The following NEIL3 variants were observed in gnomAD, a reference collection of about 807,000 sequenced individuals.
The protein encoded by NEIL3 is nei like DNA glycosylase 3, also known as endonuclease 8-like 3.
In NEIL3, 48 loss-of-function variants were observed where a neutral mutation model predicts 57.5. That is an observed-to-expected ratio of 0.83 (90% CI 0.66 to 1.06). NEIL3 has a LOEUF of 1.06. Ranked by LOEUF, NEIL3 falls within the 50% of genes least tolerant of loss-of-function variation. The pLI, the probability that NEIL3 is intolerant of heterozygous loss-of-function variation, is 0.00. For missense variants in NEIL3, 717 were observed against 739.1 expected (o/e 0.97, Z 0.35); for synonymous variants, 261 against 253.2 (o/e 1.03, Z -0.29).
At chr4:177,367,771 T>C (rs1486346611), downstream of NEIL3, among the ~76,000 whole-genome samples, 1 of 152,076 alleles carries the variant, frequency 6.6e-6, no homozygotes, top group Non-Finnish European at 1.5e-5. Flanking sequence ...AAACTGAGAG[T>C]CAGATAGACT....
Position 177,353,306 on chromosome 4 carries a change from A to G in NEIL3, c.1040-2A>G, listed in dbSNP as rs199897557. On this transcript the variant is annotated splice_acceptor_variant, in intron 7 of 9. Transcript: ENST00000264596. LOFTEE classifies it high-confidence loss of function. ...TGCAGAATTACTTCTCTCTCCTTCC[A>G]GATTCAGTGCTCAAGAGTGAAGAAA... The G allele has an allele frequency of 1.1e-5, 18 of 1,603,906 alleles. No individual in the cohort carries two copies. The African/African-American group carries it at 1.6e-4, about 14-fold the overall frequency.
chr4:177,331,013 G>A lies in NEIL3; in HGVS notation c.279-4675G>A, dbSNP rs148345438. Among the ~76,000 whole-genome samples the A allele has an allele frequency of 1.1e-4, 16 of 152,074 alleles. No homozygotes were observed. The East Asian group carries it at 2.9e-3, about 28-fold the overall frequency. On this transcript the variant is annotated intron_variant, in intron 2 of 9. Transcript: ENST00000264596. ...TCAAGTTGTTATTTGAATAGAAATA[G>A]GACACTATATATTACCTAACAAATT...
intron 4 of NEIL3, among the ~76,000 whole-genome samples, chr4:177,338,289 A>G (rs546949063): frequency 6.6e-5 from 10 of 152,254 alleles, no homozygotes; most frequent in South Asian, 2.1e-4. Context: ...TTCTTTGTAC[A>G]TGTATGTGTC....
At position 177,329,334 on chromosome 4, in the gene NEIL3, C is replaced by T. The variant is rs150763334; in HGVS notation, c.279-6354C>T. On this transcript the variant is annotated intron_variant, in intron 2 of 9. Transcript: ENST00000264596. ...ATTAATTGAATAAAAACACAAGACC[C>T]AACTATAATGTGCCTATAAGAAAAC... Among the ~76,000 whole-genome samples the T allele has an allele frequency of 4.2e-3, 645 of 152,010 alleles. 8 individuals carry two copies. Among genetic ancestry groups the T allele is most frequent in the African/African-American group, 0.014 (563 of 41,504 alleles).
intron 7 of NEIL3, 106 bp from the exon 8 acceptor site, chr4:177,353,202 C>T: frequency 2.2e-6 from 2 of 924,454 alleles, no homozygotes; most frequent in Admixed American, 2.5e-5. Context: ...TATTAGTTCA[C>T]TGTAATAAAG....
At chr4:177,327,177 G>A (rs1734798120) in intron 2 of NEIL3, among the ~76,000 whole-genome samples, 1 of 152,080 alleles carries the variant, frequency 6.6e-6, no homozygotes. Flanking sequence ...CACCATGATT[G>A]TAAGTTTCCT....
At chr4:177,315,574 CA>C (rs1734558929) in intron 1 of NEIL3, among the ~76,000 whole-genome samples, 1 of 152,108 alleles carries the variant, frequency 6.6e-6, no homozygotes, top group African/African-American at 2.4e-5. Flanking sequence ...ATTTGGGCAG[CA>C]AAAGCTTGTA....
intron 8 of NEIL3, among the ~76,000 whole-genome samples, chr4:177,358,259 C>T (rs1216724327): frequency 1.2e-4 from 19 of 152,118 alleles, no homozygotes; most frequent in Admixed American, 1.2e-3. Flanking sequence ...GGACCACACT[C>T]TGAGTACCAA....
At chr4:177,311,706 G>T (rs1361073597) in intron 1 of NEIL3, among the ~76,000 whole-genome samples, 1 of 150,606 alleles carries the variant, frequency 6.6e-6, no homozygotes, top group Non-Finnish European at 1.5e-5. Flanking sequence ...GCTGAGGTGT[G>T]CAGGGTGAGT....
intron 2 of NEIL3, among the ~76,000 whole-genome samples, chr4:177,327,714 T>C (rs1734810095): frequency 6.6e-6 from 1 of 152,232 alleles, no homozygotes; most frequent in African/African-American, 2.4e-5. Flanking sequence ...ATATTAGCTT[T>C]ATTTTCTTTT....
chr4:177,369,828 G>C, the NEIL3 span, among the ~76,000 whole-genome samples: 2 of 152,128 alleles, frequency 1.3e-5, no homozygotes, highest in South Asian at 2.1e-4. Context: ...TTCTTAACAG[G>C]GCTCTTGTGA....
At chr4:177,331,708 G>T (rs7662870) in intron 2 of NEIL3, among the ~76,000 whole-genome samples, 3 of 152,010 alleles carry the variant, frequency 2.0e-5, no homozygotes, top group Admixed American at 1.3e-4. Flanking sequence ...CAGACACCAT[G>T]TATAGACATA....
intron 8 of NEIL3, among the ~76,000 whole-genome samples, chr4:177,356,695 A>C (rs1196057675): frequency 6.6e-6 from 1 of 152,154 alleles, no homozygotes; most frequent in Non-Finnish European, 1.5e-5. Context: ...TACTGTTCTC[A>C]TTACCACACA....
intron 2 of NEIL3, among the ~76,000 whole-genome samples, chr4:177,330,151 A>G (rs1734854810): frequency 6.6e-6 from 1 of 152,204 alleles, no homozygotes; most frequent in Non-Finnish European, 1.5e-5. Flanking sequence ...ACCTCAGGTC[A>G]TCTACCCGCC....
intron 1 of NEIL3, among the ~76,000 whole-genome samples, chr4:177,311,046 C>T (rs1734465734): frequency 6.6e-6 from 1 of 151,996 alleles, no homozygotes; most frequent in East Asian, 1.9e-4. Context: ...ACTTGATATG[C>T]CAGTAAGTAC....
chr4:177,326,141 T>A (rs1318140232), intron 2 of NEIL3, among the ~76,000 whole-genome samples: 1 of 152,168 alleles, frequency 6.6e-6, no homozygotes, highest in East Asian at 1.9e-4. Context: ...TTAATCAACA[T>A]TTCCTTGTTT....
chr4:177,318,982 G>C (rs1328557900), intron 1 of NEIL3, among the ~76,000 whole-genome samples: 3 of 152,152 alleles, frequency 2.0e-5, no homozygotes, highest in Non-Finnish European at 4.4e-5. Context: ...ATGGGGAGGA[G>C]GATCATCTTT....
rs1426495247 is a variant in NEIL3 at position 177,362,366 on chromosome 4, C to CA, written c.1715dup (p.Asn572LysfsTer66). 6.2e-7 allele frequency: 1 copy of CA among 1,613,082 alleles called. No homozygotes were observed. The highest frequency in any genetic ancestry group is 8.5e-7 in the Non-Finnish European group (1 of 1,179,592). On this transcript the variant is annotated frameshift_variant, in exon 10 of 10. Transcript: ENST00000264596. LOFTEE classifies it high-confidence loss of function. ...AAACAGTATTGAAGATTGGACCTAA[C>CA]AATGGAAAGAATTTTTTTGTGTGTC...
downstream of NEIL3, among the ~76,000 whole-genome samples, chr4:177,365,874 G>C (rs1735686479): frequency 6.6e-6 from 1 of 152,108 alleles, no homozygotes; most frequent in African/African-American, 2.4e-5. Flanking sequence ...CAAATCCAGA[G>C]TCTTCACCAT....
Sources: gnomAD v4.1 joint callset for allele counts (sites outside exome capture counted in the v4.1 genomes callset) on GRCh38, gnomAD v4.1.1 for gene constraint, MANE v1.5 for transcripts, NCBI Gene and HGNC (gene_info 2026-07-23, HGNC 2026-07-21) for gene names.